CHST11: variants seen among roughly 807,000 people sequenced by gnomAD.
CHST11 encodes the protein C4S-1.
In CHST11, 9 loss-of-function variants were observed where a neutral mutation model predicts 30.4. The observed-to-expected ratio is 0.30, with a 90% CI of 0.18 to 0.52. The LOEUF is 0.52. CHST11 is among the 20% of genes least tolerant of loss of function. The probability of loss-of-function intolerance (pLI) is 0.97; values close to 1 mark genes in which losing one functional copy is unlikely to be tolerated. For missense variants in CHST11, 348 were observed against 460.6 expected, an observed-to-expected ratio of 0.76 and a Z score of 2.24; for synonymous variants, 152 against 187.8, an observed-to-expected ratio of 0.81 and a Z score of 1.56.
chr12:104,547,754 A>G (rs2038365033), intron 1 of CHST11, among the ~76,000 whole-genome samples: 1 of 152,136 alleles, frequency 6.6e-6, no homozygotes, highest in Non-Finnish European at 1.5e-5. Flanking sequence ...TTGGGTTTCA[A>G]TTTCCATAGC....
chr12:104,556,762 C>T (rs1342440419), intron 1 of CHST11, among the ~76,000 whole-genome samples: 2 of 152,180 alleles, frequency 1.3e-5, no homozygotes, highest in African/African-American at 2.4e-5. Context: ...GGGCGGATCA[C>T]CTGAGGTCAG....
At chr12:104,463,142 TTTCCC>T (rs1323779884) in intron 1 of CHST11, among the ~76,000 whole-genome samples, 2 of 152,190 alleles carry the variant, frequency 1.3e-5, no homozygotes, top group Non-Finnish European at 2.9e-5. Context: ...GGCACCACCC[TTTCCC>T]TTCTTAAACC....
At chr12:104,603,035 G>A (rs771032150) in intron 2 of CHST11, among the ~76,000 whole-genome samples, 1 of 152,128 alleles carries the variant, frequency 6.6e-6, no homozygotes, top group Non-Finnish European at 1.5e-5. Context: ...CTGTCTTGAG[G>A]TGTGACTTGG....
intron 1 of CHST11, among the ~76,000 whole-genome samples, chr12:104,577,330 G>A (rs1427889699): frequency 1.5e-5 from 2 of 137,386 alleles, no homozygotes; most frequent in Non-Finnish European, 3.0e-5. Context: ...TTAGTGTACA[G>A]TTCAGTGGCA....
At chr12:104,602,338 A>T (rs993069629) in intron 2 of CHST11, 5 of 327,018 alleles carry the variant, frequency 1.5e-5, no homozygotes, top group Admixed American at 4.7e-5. Flanking sequence ...CCAAAGGAAG[A>T]GTTGCACATG....
In CHST11 at chr12:104,650,943, C is replaced by A. The variant is rs142107566; in HGVS notation, c.204+48952C>A. On this transcript the variant is annotated intron_variant, in intron 2 of 2. Coordinates refer to ENST00000303694, the MANE Select transcript of CHST11 (RefSeq NM_018413.6). The stretch of plus-strand genomic sequence containing the variant: ...CTGGGCAAGTCACAGATAATAATCA[C>A]CCTGCTTCATGAGGTTGTTGCAAGT... Among the ~76,000 whole-genome samples the A allele has an allele frequency of 9.8e-5, 15 of 152,330 alleles. No homozygotes were observed. In the East Asian group the frequency reaches 2.5e-3, roughly 25 times the overall value.
intron 2 of CHST11, among the ~76,000 whole-genome samples, chr12:104,695,051 G>A (rs112714398): frequency 0.011 from 1,686 of 152,230 alleles, 45 homozygotes; most frequent in African/African-American, 0.038. Context: ...AGGGGATGCT[G>A]GGGGGTTCTC....
intron 1 of CHST11, among the ~76,000 whole-genome samples, chr12:104,548,754 TAGGGC>T (rs2038376697): frequency 6.6e-6 from 1 of 152,192 alleles, no homozygotes; most frequent in Non-Finnish European, 1.5e-5. Flanking sequence ...TGTCATTCCT[TAGGGC>T]AGGGCCCCTT....
At chr12:104,557,118 T>G (rs1018410939) in intron 1 of CHST11, among the ~76,000 whole-genome samples, 7 of 152,184 alleles carry the variant, frequency 4.6e-5, no homozygotes, top group Admixed American at 3.3e-4. Flanking sequence ...CCAAATAAGG[T>G]CACATTCATA....
At chr12:104,536,475 G>C (rs1029292418) in intron 1 of CHST11, among the ~76,000 whole-genome samples, 11 of 152,316 alleles carry the variant, frequency 7.2e-5, no homozygotes, top group South Asian at 2.1e-4. Context: ...TCCATATGAT[G>C]TACTTGTGTA....
chr12:104,680,069 C>T (rs932252338), intron 2 of CHST11, among the ~76,000 whole-genome samples: 2 of 152,244 alleles, frequency 1.3e-5, no homozygotes, highest in African/African-American at 4.8e-5. Context: ...CAAGCATCAA[C>T]TGGACTCCTG....
chr12:104,715,533 G>C (rs975593283), intron 2 of CHST11, among the ~76,000 whole-genome samples: 17 of 152,190 alleles, frequency 1.1e-4, no homozygotes, highest in Admixed American at 4.6e-4. Flanking sequence ...CCAGCGATAC[G>C]GAGGTACTAT....
Position 104,541,124 on chromosome 12 carries a change from T to TCA in CHST11, c.119-60781_119-60780insAC, listed in dbSNP as rs1393829978. Reference sequence around the variant, plus strand: ...TCTGCAGAATCTCTCCCTCTCTCTCTCTCTCTCACACACACACACACACAC... The same window carrying TCA: ...TCTGCAGAATCTCTCCCTCTCTCTCTCACTCTCTCACACACACACACACACAC... On this transcript the variant is annotated intron_variant, in intron 1 of 2. Coordinates refer to ENST00000303694, the MANE Select transcript of CHST11 (RefSeq NM_018413.6). 2.1e-4 allele frequency among the ~76,000 whole-genome samples: 27 copies of TCA among 128,756 alleles called. No individual in the cohort carries two copies. The South Asian group carries it at 2.7e-3, about 13-fold the overall frequency. 84.5% of individuals were successfully genotyped at this position (128,756 alleles called of 152,430 possible).
chr12:104,724,660 G>A (rs1195485359), intron 2 of CHST11, among the ~76,000 whole-genome samples: 9 of 152,078 alleles, frequency 5.9e-5, no homozygotes, highest in Non-Finnish European at 1.5e-5. Context: ...TTTCTGGGCC[G>A]CTCCTTGCCC....
At chr12:104,669,138 G>A (rs930854291) in intron 2 of CHST11, among the ~76,000 whole-genome samples, 3 of 152,182 alleles carry the variant, frequency 2.0e-5, no homozygotes, top group Non-Finnish European at 4.4e-5. Flanking sequence ...ACAATCGCCC[G>A]CTGTGTCTCC....
chr12:104,677,675 A>G (rs1011319491), intron 2 of CHST11, among the ~76,000 whole-genome samples: 6 of 152,252 alleles, frequency 3.9e-5, no homozygotes, highest in African/African-American at 1.4e-4. Context: ...AATTTGGTCC[A>G]TTTGCAGATT....
intron 2 of CHST11, among the ~76,000 whole-genome samples, chr12:104,738,874 TCC>T (rs1364824275): frequency 1.3e-5 from 2 of 152,196 alleles, no homozygotes; most frequent in African/African-American, 2.4e-5. Flanking sequence ...CAAACTGGGC[TCC>T]CCCAGCGCCT....
chr12:104,753,688 G>C (rs2040452727), intron 2 of CHST11, among the ~76,000 whole-genome samples: 1 of 152,216 alleles, frequency 6.6e-6, no homozygotes, highest in South Asian at 2.1e-4. Context: ...ATGGCCACCA[G>C]TTGGCTACCC....
intron 2 of CHST11, among the ~76,000 whole-genome samples, chr12:104,624,786 G>C (rs1218436335): frequency 1.3e-5 from 2 of 152,064 alleles, no homozygotes. Flanking sequence ...TTGTTGACTC[G>C]GGTCTTGGAG....
Sources: gnomAD v4.1 joint callset for allele counts (sites outside exome capture counted in the v4.1 genomes callset) on GRCh38, gnomAD v4.1.1 for gene constraint, MANE v1.5 for transcripts, NCBI Gene and HGNC (gene_info 2026-07-23, HGNC 2026-07-21) for gene names.